CDH4: variants seen among roughly 807,000 people sequenced by gnomAD.
CDH4 encodes cadherin-4.
In CDH4, 33 loss-of-function variants were observed where a neutral mutation model predicts 86.0. The ratio of observed to expected loss-of-function variants is 0.38; its 90% CI spans 0.29 to 0.51. The LOEUF is 0.51. Among genes scored for constraint, CDH4 ranks in the 20% least tolerant of loss-of-function variants. The probability of loss-of-function intolerance (pLI) is 0.86; values close to 1 mark genes in which losing one functional copy is unlikely to be tolerated. For missense variants in CDH4, 1,114 were observed against 1,307.4 expected, an observed-to-expected ratio of 0.85 and a Z score of 2.28; for synonymous variants, 555 against 549.4, an observed-to-expected ratio of 1.01 and a Z score of -0.14.
chr20:61,414,080 C>A (rs1401508667), intron 2 of CDH4, among the ~76,000 whole-genome samples: 1 of 152,248 alleles, frequency 6.6e-6, no homozygotes, highest in African/African-American at 2.4e-5. Context: ...ATCAGTCCCA[C>A]TACATTAGGA....
chr20:61,878,874 C>T (rs1424384712), intron 7 of CDH4, among the ~76,000 whole-genome samples: 3 of 152,082 alleles, frequency 2.0e-5, no homozygotes, highest in Non-Finnish European at 2.9e-5. Context: ...GGGGGTGTGC[C>T]GAGGCCAGGG....
intron 2 of CDH4, among the ~76,000 whole-genome samples, chr20:61,607,039 G>A (rs886923821): frequency 5.3e-5 from 8 of 152,258 alleles, no homozygotes; most frequent in Admixed American, 5.2e-4. Context: ...TGACAGTGAT[G>A]TGTCCATATC....
intron 4 of CDH4, among the ~76,000 whole-genome samples, chr20:61,797,371 G>A (rs577251155): frequency 1.8e-4 from 28 of 152,328 alleles, no homozygotes; most frequent in East Asian, 1.9e-4. Flanking sequence ...ACTGCACAGC[G>A]GGGAGGTAAG....
chr20:61,595,216 G>A (rs534773313), intron 2 of CDH4, among the ~76,000 whole-genome samples: 1 of 152,326 alleles, frequency 6.6e-6, no homozygotes, highest in Admixed American at 6.5e-5. Context: ...CCAATGTCTG[G>A]GTATGTCCTA....
intron 2 of CDH4, among the ~76,000 whole-genome samples, chr20:61,665,320 G>A (rs1011298694): frequency 1.3e-5 from 2 of 152,242 alleles, no homozygotes; most frequent in Admixed American, 1.3e-4. Flanking sequence ...CTGTTCTCTG[G>A]CTTGGCCAGG....
chr20:61,351,578 T>C (rs190189702), intron 2 of CDH4, among the ~76,000 whole-genome samples: 196 of 152,246 alleles, frequency 1.3e-3, no homozygotes, highest in African/African-American at 4.6e-3. Context: ...TGTATGTGTA[T>C]GGGGGGGACG....
intron 4 of CDH4, among the ~76,000 whole-genome samples, chr20:61,809,081 A>G (rs1980291522): frequency 6.6e-6 from 1 of 152,234 alleles, no homozygotes; most frequent in Admixed American, 6.5e-5. Flanking sequence ...GCCCGTGTCC[A>G]TGGCTGCAGG....
chr20:61,863,955 AC>A (rs1664911607), intron 6 of CDH4, among the ~76,000 whole-genome samples: 1 of 5,590 alleles, frequency 1.8e-4, no homozygotes, highest in Admixed American at 9.8e-3. Flanking sequence ...GGGCGGGTGG[AC>A]TGGAGCCCTG....
At position 61,923,607 on chromosome 20, in the gene CDH4, C is replaced by T; in HGVS notation, c.1531C>T (p.His511Tyr). ...INEAPYFPSN[H>Y]KLIRLEEGVP... is the part of the protein sequence containing the mutation. ...CGAGGCTCCCTACTTCCCCTCAAAC[C>T]ACAAGCTGATCCGCCTGGAGGAGGG... The change falls in exon 10 of 16, where the codon CAC becomes TAC. Residue 511 changes from histidine to tyrosine, a missense_variant. Coordinates refer to ENST00000614565, the MANE Select transcript of CDH4 (RefSeq NM_001794.5). 1 of 1,614,158 alleles carries T rather than the reference C, an allele frequency of 6.2e-7. No homozygotes were observed. Among genetic ancestry groups the T allele is most frequent in the Non-Finnish European group, 8.5e-7 (1 of 1,180,020 alleles).
At chr20:61,755,863 G>A (rs552554898) in intron 3 of CDH4, among the ~76,000 whole-genome samples, 18 of 152,278 alleles carry the variant, frequency 1.2e-4, no homozygotes, top group African/African-American at 4.3e-4. Context: ...ATGCGCAGGT[G>A]TTGCACACTC....
intron 2 of CDH4, among the ~76,000 whole-genome samples, chr20:61,574,585 T>C (rs192725574): frequency 1.6e-3 from 241 of 152,034 alleles, no homozygotes; most frequent in African/African-American, 5.5e-3. Context: ...ATGGTCTCAG[T>C]GTAAGTATAA....
At chr20:61,571,987 G>A (rs545640370) in intron 2 of CDH4, among the ~76,000 whole-genome samples, 5 of 152,072 alleles carry the variant, frequency 3.3e-5, no homozygotes, top group African/African-American at 1.2e-4. Context: ...CAGACAAAAG[G>A]TCAGGAGCTG....
At chr20:61,855,954 C>T (rs971730961) in intron 6 of CDH4, among the ~76,000 whole-genome samples, 4 of 152,198 alleles carry the variant, frequency 2.6e-5, no homozygotes, top group South Asian at 2.1e-4. Context: ...AAGGCCAGGA[C>T]GGAGCTGGAG....
chr20:61,934,520 C>T (rs2055155783), intron 15 of CDH4, among the ~76,000 whole-genome samples: 1 of 152,210 alleles, frequency 6.6e-6, no homozygotes, highest in Non-Finnish European at 1.5e-5. Context: ...GCAGCAGAGG[C>T]GCCAGTAGCA....
intron 2 of CDH4, among the ~76,000 whole-genome samples, chr20:61,296,889 G>A (rs540877014): frequency 2.6e-5 from 4 of 152,254 alleles, no homozygotes; most frequent in African/African-American, 9.6e-5. Flanking sequence ...ATGGGTAGGT[G>A]GGGGACGATG....
chr20:61,331,657 A>C, intron 2 of CDH4, among the ~76,000 whole-genome samples: 1 of 7,044 alleles, frequency 1.4e-4, no homozygotes. Context: ...CGCCCCAGCC[A>C]CCTGCCCCAG....
chr20:61,884,291 C>G (rs1290442048), intron 7 of CDH4, among the ~76,000 whole-genome samples: 1 of 152,170 alleles, frequency 6.6e-6, no homozygotes, highest in Non-Finnish European at 1.5e-5. Context: ...CCTGGCTGTG[C>G]AAAGGGCAGC....
At chr20:61,869,905 A>G (rs894609082) in intron 6 of CDH4, among the ~76,000 whole-genome samples, 2 of 152,200 alleles carry the variant, frequency 1.3e-5, no homozygotes, top group African/African-American at 2.4e-5. Context: ...GCTGGGCCCC[A>G]GTGGGCAGGG....
chr20:61,476,185 T>C (rs2085534828), intron 2 of CDH4, among the ~76,000 whole-genome samples: 1 of 152,196 alleles, frequency 6.6e-6, no homozygotes, highest in Non-Finnish European at 1.5e-5. Context: ...AAGTTTTAAT[T>C]TTATTGGAGT....
Sources: gnomAD v4.1 joint callset for allele counts (sites outside exome capture counted in the v4.1 genomes callset) on GRCh38, gnomAD v4.1.1 for gene constraint, MANE v1.5 for transcripts, NCBI Gene and HGNC (gene_info 2026-07-23, HGNC 2026-07-21) for gene names.